The following EED variants were observed in gnomAD, a reference collection of about 807,000 sequenced individuals.
EED encodes embryonic ectoderm development.
In EED, 9 loss-of-function variants were observed where a neutral mutation model predicts 61.0. The observed-to-expected ratio is 0.15, with a 90% CI of 0.09 to 0.26. The LOEUF (loss-of-function observed/expected upper bound fraction) is 0.26. Among genes scored for constraint, EED ranks in the 10% least tolerant of loss-of-function variants. EED has a pLI of 1.00. For missense variants in EED, 315 were observed against 542.3 expected (o/e 0.58, Z 4.16); for synonymous variants, 187 against 174.4 (o/e 1.07, Z -0.57).
At chr11:86,266,424 A>G (rs1057192512) in intron 8 of EED, among the ~76,000 whole-genome samples, 1 of 152,096 alleles carries the variant, frequency 6.6e-6, no homozygotes, top group Non-Finnish European at 1.5e-5. Context: ...AATCCCCTTT[A>G]AATTGTGTTG....
At chr11:86,254,057 A>AAAG (rs1945604472) in intron 3 of EED, among the ~76,000 whole-genome samples, 1 of 136,618 alleles carries the variant, frequency 7.3e-6, no homozygotes, top group Non-Finnish European at 1.5e-5. Flanking sequence ...TCAAAAAAAA[A>AAAG]AAAAAAAAAA....
intron 9 of EED, chr11:86,270,065 T>G (rs1432119200): frequency 1.4e-6 from 1 of 697,770 alleles, no homozygotes; most frequent in Admixed American, 2.0e-5. Context: ...TTTAAGAAAC[T>G]GCCAAACTAT....
chr11:86,249,683 TG>T (rs1945478786), intron 1 of EED, among the ~76,000 whole-genome samples: 1 of 69,772 alleles, frequency 1.4e-5, no homozygotes, highest in Non-Finnish European at 3.6e-5. Context: ...TTTAGAACAA[TG>T]AGACAGTTTT....
At chr11:86,245,412 G>A in intron 1 of EED, 69 bp downstream of exon 1, 1 of 1,275,162 alleles carries the variant, frequency 7.8e-7, no homozygotes. Flanking sequence ...AACGGGGGGC[G>A]CGGGGACGAG....
Position 86,245,282 on chromosome 11 carries a change from C to T in EED, c.53C>T (p.Ala18Val). Residue 18 changes from alanine (A) to valine (V), a missense_variant, in exon 1 of 12, where the codon GCC becomes GTC. By Grantham distance (64) the Ala-to-Val change is moderately conservative. Coordinates refer to ENST00000263360, the MANE Select transcript of EED (RefSeq NM_003797.5). ...CCGGCGGGAACAGACATGCCTGCGG[C>T]CAAGAAGCAGAAGCTGAGCAGTGAC... ...TAPAGTDMPAAKKQKLSSDEN... is the reference protein window; with the variant it reads ...TAPAGTDMPAVKKQKLSSDEN... The T allele has an allele frequency of 6.2e-7, 1 of 1,613,430 alleles. No homozygotes were observed.
Position 86,278,582 on chromosome 11 carries a change from A to C in EED, c.*57A>C. Reference sequence around the variant, plus strand: ...TTTGTTGTCTGTGTAAAATAGAATTAATGTATCTTGCTAGTAAGGGCACGT... The same window carrying C: ...TTTGTTGTCTGTGTAAAATAGAATTCATGTATCTTGCTAGTAAGGGCACGT... On this transcript the variant is annotated 3_prime_UTR_variant, in exon 12 of 12. Coordinates refer to ENST00000263360, the MANE Select transcript of EED (RefSeq NM_003797.5). 2 of 1,588,954 alleles carry C rather than the reference A, an allele frequency of 1.3e-6. No homozygotes were observed. The highest frequency in any genetic ancestry group is 1.7e-6 in the Non-Finnish European group (2 of 1,164,686).
At chr11:86,261,063 G>A (rs1271076630) in intron 6 of EED, among the ~76,000 whole-genome samples, 1 of 152,056 alleles carries the variant, frequency 6.6e-6, no homozygotes, top group Non-Finnish European at 1.5e-5. Flanking sequence ...GTTCATTTAA[G>A]CTGTAGCATT....
At chr11:86,255,121 G>C in intron 3 of EED, 101 bp from the exon 4 acceptor site, 1 of 881,662 alleles carries the variant, frequency 1.1e-6, no homozygotes. Flanking sequence ...AGTTTCTGTA[G>C]TATATTTAAG....
intron 9 of EED, among the ~76,000 whole-genome samples, chr11:86,274,042 T>C (rs1191820902): frequency 6.6e-6 from 1 of 152,274 alleles, no homozygotes; most frequent in East Asian, 1.9e-4. Flanking sequence ...TCCCTCATTT[T>C]GGGACTCTGA....
chr11:86,252,744 A>ATTGTTGTTG (rs377482360), intron 3 of EED, among the ~76,000 whole-genome samples: 15 of 151,286 alleles, frequency 9.9e-5, no homozygotes, highest in African/African-American at 3.2e-4. Context: ...TTTGGTGGTG[A>ATTGTTGTTG]TTGTTGTTGT....
chr11:86,279,884 C>T (rs1946303550), downstream of EED, among the ~76,000 whole-genome samples: 1 of 152,028 alleles, frequency 6.6e-6, no homozygotes, highest in South Asian at 2.1e-4. Flanking sequence ...AGAAGTAAAC[C>T]TTTATAGCAA....
At chr11:86,267,167 G>A (rs1209094942) in intron 8 of EED, among the ~76,000 whole-genome samples, 1 of 151,806 alleles carries the variant, frequency 6.6e-6, no homozygotes, top group Non-Finnish European at 1.5e-5. Context: ...TTTTTTCTTT[G>A]AGAGAGGTTT....
chr11:86,284,236 A>C, the EED span: 1 of 152,266 alleles, frequency 6.6e-6, no homozygotes, highest in African/African-American at 2.4e-5. Flanking sequence ...GAAGGACAGT[A>C]AGATGTGGAA....
chr11:86,271,611 T>G (rs1231654292), intron 9 of EED, among the ~76,000 whole-genome samples: 1 of 152,170 alleles, frequency 6.6e-6, no homozygotes, highest in Non-Finnish European at 1.5e-5. Flanking sequence ...TTAGGGTTTG[T>G]TTTGTTTTGT....
chr11:86,263,567 G>C (rs768273716), intron 6 of EED, among the ~76,000 whole-genome samples: 9 of 152,122 alleles, frequency 5.9e-5, no homozygotes, highest in Non-Finnish European at 1.3e-4. Context: ...TTTTTGTTGA[G>C]ACAGGGTCTT....
At chr11:86,263,968 G>C (rs555775142) in intron 6 of EED, 184 of 521,760 alleles carry the variant, frequency 3.5e-4, no homozygotes, top group Admixed American at 9.6e-4. Context: ...CATGCTTTTG[G>C]GGGGGCCTAT....
intron 9 of EED, 34 bp downstream of exon 9, chr11:86,268,595 G>A (rs1253721325): frequency 7.8e-6 from 2 of 256,918 alleles, no homozygotes; most frequent in Admixed American, 1.2e-4. Flanking sequence ...TACTTCCATC[G>A]TGTGTGTGTG....
At chr11:86,254,816 T>G (rs1945629158) in intron 3 of EED, among the ~76,000 whole-genome samples, 1 of 151,994 alleles carries the variant, frequency 6.6e-6, no homozygotes, top group Non-Finnish European at 1.5e-5. Context: ...AGAGACAGGG[T>G]TTCACCATAT....
downstream of EED, among the ~76,000 whole-genome samples, chr11:86,280,344 T>A (rs1424843650): frequency 1.3e-5 from 2 of 152,130 alleles, no homozygotes; most frequent in African/African-American, 4.8e-5. Flanking sequence ...TAATGAAAGA[T>A]CCAGGAGTCA....
Sources: allele counts gnomAD v4.1 joint callset (sites outside exome capture counted in the v4.1 genomes callset), GRCh38; gene constraint gnomAD v4.1.1; transcripts MANE v1.5; gene names NCBI Gene and HGNC (gene_info 2026-07-23, HGNC 2026-07-21).